The following BBOX1 variants were observed in gnomAD, a reference collection of about 807,000 sequenced individuals.
The protein encoded by BBOX1 is gamma-butyrobetaine hydroxylase 1, also known as gamma-butyrobetaine dioxygenase.
BBOX1 carries 35 observed loss-of-function variants against 41.6 expected under a neutral mutation model. The ratio of observed to expected loss-of-function variants is 0.84; its 90% CI spans 0.64 to 1.11. The LOEUF (loss-of-function observed/expected upper bound fraction) is 1.11. Among genes scored for constraint, BBOX1 ranks in the 50% most tolerant of loss-of-function variants. The pLI is 0.00. For synonymous variants in BBOX1, 163 were observed against 154.7 expected, an observed-to-expected ratio of 1.05 and a Z score of -0.40; for missense variants, 458 against 460.6, an observed-to-expected ratio of 0.99 and a Z score of 0.05.
intron 5 of BBOX1, among the ~76,000 whole-genome samples, chr11:27,103,122 G>A (rs1034516738): frequency 1.2e-4 from 18 of 152,036 alleles, no homozygotes; most frequent in Non-Finnish European, 2.4e-4. Flanking sequence ...CCCACGAGGC[G>A]GAGGTTGCAG....
At chr11:27,054,115 C>G (rs1856897630) in intron 2 of BBOX1, among the ~76,000 whole-genome samples, 1 of 151,978 alleles carries the variant, frequency 6.6e-6, no homozygotes, top group Non-Finnish European at 1.5e-5. Flanking sequence ...TCAAGAAGGA[C>G]AGGGAGCAAT....
At chr11:27,116,319 TG>T (rs1227483769) in intron 6 of BBOX1, among the ~76,000 whole-genome samples, 4 of 149,606 alleles carry the variant, frequency 2.7e-5, no homozygotes, top group East Asian at 2.0e-4. Context: ...TGGGGCCTGT[TG>T]GGGGGGTTGG....
intron 5 of BBOX1, among the ~76,000 whole-genome samples, chr11:27,093,584 T>C (rs1858327513): frequency 1.3e-5 from 2 of 152,004 alleles, no homozygotes; most frequent in Non-Finnish European, 2.9e-5. Flanking sequence ...GACATCAGGC[T>C]AGTTATAGGT....
At chr11:27,075,814 C>T (rs1857613516) in intron 4 of BBOX1, among the ~76,000 whole-genome samples, 1 of 152,192 alleles carries the variant, frequency 6.6e-6, no homozygotes, top group Non-Finnish European at 1.5e-5. Context: ...TATAGGTGCA[C>T]TCATGCTGAA....
intron 4 of BBOX1, among the ~76,000 whole-genome samples, chr11:27,090,400 G>A (rs1002339366): frequency 3.3e-5 from 5 of 151,862 alleles, no homozygotes; most frequent in Admixed American, 1.3e-4. Context: ...TTTCAAAAAG[G>A]GTGGGGGTGT....
intron 5 of BBOX1, among the ~76,000 whole-genome samples, chr11:27,105,261 G>A (rs1486323694): frequency 6.6e-6 from 1 of 152,164 alleles, no homozygotes; most frequent in Admixed American, 6.5e-5. Flanking sequence ...TGAATTGAGA[G>A]AAGATGGCTT....
At chr11:27,109,837 C>T (rs1858993828) in intron 5 of BBOX1, among the ~76,000 whole-genome samples, 1 of 151,928 alleles carries the variant, frequency 6.6e-6, no homozygotes, top group Admixed American at 6.6e-5. Flanking sequence ...GGTAGAATAC[C>T]AGACTAGAGT....
chr11:27,115,352 T>C (rs1859220440), intron 5 of BBOX1, 100 bp from the exon 6 acceptor site: 3 of 939,014 alleles, frequency 3.2e-6, no homozygotes, highest in Non-Finnish European at 4.7e-6. Context: ...TTTCAAAAAA[T>C]GAAAAGTTTC....
chr11:27,103,204 G>T (rs1487772233), intron 5 of BBOX1, among the ~76,000 whole-genome samples: 2 of 151,972 alleles, frequency 1.3e-5, no homozygotes, highest in African/African-American at 2.4e-5. Context: ...GTAATTTGAT[G>T]TTTTTACCTG....
intron 4 of BBOX1, among the ~76,000 whole-genome samples, chr11:27,072,386 G>A (rs1449034102): frequency 6.6e-6 from 1 of 152,108 alleles, no homozygotes; most frequent in African/African-American, 2.4e-5. Flanking sequence ...ACCTCTTCAA[G>A]GAGAACTACA....
chr11:27,043,059 T>C (rs1169338812), intron 2 of BBOX1, among the ~76,000 whole-genome samples: 1 of 152,034 alleles, frequency 6.6e-6, no homozygotes, highest in Non-Finnish European at 1.5e-5. Context: ...AATTTTTTAT[T>C]TTTATTTATT....
At chr11:27,103,726 A>G (rs1169208186) in intron 5 of BBOX1, among the ~76,000 whole-genome samples, 2 of 151,996 alleles carry the variant, frequency 1.3e-5, no homozygotes, top group Non-Finnish European at 2.9e-5. Flanking sequence ...AGAAAAAATA[A>G]TATTTTATCT....
intron 5 of BBOX1, among the ~76,000 whole-genome samples, chr11:27,109,211 G>A (rs1858969268): frequency 6.6e-6 from 1 of 152,020 alleles, no homozygotes; most frequent in Admixed American, 6.6e-5. Flanking sequence ...ACATGCTTAT[G>A]AGAGTTCTGA....
At chr11:27,092,648 TGATCCCAGA>T (rs1419068036) in intron 4 of BBOX1, among the ~76,000 whole-genome samples, 2 of 151,954 alleles carry the variant, frequency 1.3e-5, no homozygotes, top group Admixed American at 1.3e-4. Context: ...AAGGATCACT[TGATCCCAGA>T]GGTTGCTTCT....
At chr11:27,080,243 G>A (rs977524435) in intron 4 of BBOX1, among the ~76,000 whole-genome samples, 30 of 152,098 alleles carry the variant, frequency 2.0e-4, no homozygotes, top group African/African-American at 6.7e-4. Context: ...TTTGATTTAA[G>A]GGTATCTGAA....
intron 4 of BBOX1, among the ~76,000 whole-genome samples, chr11:27,085,557 C>A (rs73430398): frequency 5.7e-4 from 26 of 45,984 alleles, no homozygotes; most frequent in African/African-American, 4.8e-3. Flanking sequence ...ATTCCCCCAT[C>A]TCTCTCTCTC....
intron 7 of BBOX1, among the ~76,000 whole-genome samples, chr11:27,124,408 G>C (rs746249190): frequency 6.6e-6 from 1 of 152,132 alleles, no homozygotes; most frequent in South Asian, 2.1e-4. Context: ...TTCCCAATAA[G>C]CTACAAAAGA....
intron 5 of BBOX1, among the ~76,000 whole-genome samples, chr11:27,111,885 A>G (rs555232216): frequency 1.3e-4 from 20 of 152,108 alleles, no homozygotes; most frequent in Non-Finnish European, 2.2e-4. Context: ...TAAAAAGAGT[A>G]TCAGTTTGGT....
At chr11:27,044,731 A>T (rs1851441565) in intron 2 of BBOX1, among the ~76,000 whole-genome samples, 1 of 152,182 alleles carries the variant, frequency 6.6e-6, no homozygotes, top group Admixed American at 6.5e-5. Context: ...TTTGTCAAAG[A>T]TCAGATGGTT....
Sources: allele counts gnomAD v4.1 joint callset (sites outside exome capture counted in the v4.1 genomes callset), GRCh38; gene constraint gnomAD v4.1.1; transcripts MANE v1.5; gene names NCBI Gene and HGNC (gene_info 2026-07-23, HGNC 2026-07-21).